Variants in CIT observed in about 807,000 individuals in gnomAD.
The protein encoded by CIT is citron Rho-interacting kinase.
In CIT, 79 loss-of-function variants were observed where a neutral mutation model predicts 272.7. That is an observed-to-expected ratio of 0.29 (90% CI 0.24 to 0.35). The LOEUF is 0.35. CIT is among the 10% of genes least tolerant of loss of function. The probability of loss-of-function intolerance (pLI) is 1.00; values close to 1 mark genes in which losing one functional copy is unlikely to be tolerated. For synonymous variants in CIT, 948 were observed against 995.6 expected, an observed-to-expected ratio of 0.95 and a Z score of 0.90; for missense variants, 1,909 against 2,618.3, an observed-to-expected ratio of 0.73 and a Z score of 5.91.
intron 39 of CIT, 105 bp from the exon 40 acceptor site, chr12:119,708,423 A>T: frequency 8.7e-7 from 1 of 1,155,910 alleles, no homozygotes; most frequent in South Asian, 2.7e-5. Flanking sequence ...AAGAGGCCAC[A>T]CAGATGATCT....
At chr12:119,733,870 G>T (rs1958611370) in intron 26 of CIT, among the ~76,000 whole-genome samples, 1 of 152,116 alleles carries the variant, frequency 6.6e-6, no homozygotes, top group Admixed American at 6.5e-5. Context: ...GAAACCTCAT[G>T]AGAGTTTTCT....
chr12:119,706,714 G>C (rs759659575), intron 40 of CIT, among the ~76,000 whole-genome samples: 1 of 152,172 alleles, frequency 6.6e-6, no homozygotes, highest in Non-Finnish European at 1.5e-5. Flanking sequence ...TGGATTCCAT[G>C]TCTTTGCTAT....
chr12:119,691,677 C>T (rs763974309), intron 46 of CIT, among the ~76,000 whole-genome samples: 3 of 152,204 alleles, frequency 2.0e-5, no homozygotes, highest in Non-Finnish European at 2.9e-5. Flanking sequence ...ATCCTCCACC[C>T]ACTCCTGGCC....
chr12:119,842,886 T>C (rs560421883), intron 5 of CIT, among the ~76,000 whole-genome samples: 1 of 152,328 alleles, frequency 6.6e-6, no homozygotes, highest in East Asian at 1.9e-4. Flanking sequence ...TAATCACACA[T>C]TCATCCAATA....
chr12:119,844,273 C>T (rs1341925931), intron 5 of CIT, among the ~76,000 whole-genome samples: 3 of 152,042 alleles, frequency 2.0e-5, no homozygotes, highest in Admixed American at 6.6e-5. Context: ...CCGCTCGCCT[C>T]GGCCTCCCAA....
intron 23 of CIT, among the ~76,000 whole-genome samples, chr12:119,745,208 T>TAA (rs1239472445): frequency 1.1e-4 from 12 of 108,402 alleles, no homozygotes; most frequent in South Asian, 2.8e-4. Context: ...AAGAAAATCT[T>TAA]AAAAAAAAAA....
At chr12:119,731,813 A>AATATAT (rs57327382) in intron 26 of CIT, among the ~76,000 whole-genome samples, 92 of 139,146 alleles carry the variant, frequency 6.6e-4, no homozygotes, top group African/African-American at 2.3e-3. Flanking sequence ...TTCTCTCCTA[A>AATATAT]ATATATATAT....
intron 5 of CIT, among the ~76,000 whole-genome samples, chr12:119,840,598 G>A (rs151156107): frequency 3.9e-5 from 6 of 152,296 alleles, no homozygotes; most frequent in East Asian, 1.9e-4. Context: ...TCATTTCACC[G>A]ATAAGAAAAT....
At chr12:119,858,051 T>A (rs1950222619) in intron 3 of CIT, among the ~76,000 whole-genome samples, 1 of 152,198 alleles carries the variant, frequency 6.6e-6, no homozygotes. Context: ...TTTAGACTGG[T>A]TTACAGTGTG....
chr12:119,796,556 C>G (rs1566057720), intron 10 of CIT, among the ~76,000 whole-genome samples: 1 of 152,166 alleles, frequency 6.6e-6, no homozygotes, highest in Non-Finnish European at 1.5e-5. Flanking sequence ...TAGTGGCTTA[C>G]TGAGTGAGCG....
chr12:119,727,374 A>G (rs1434986759), intron 28 of CIT, among the ~76,000 whole-genome samples: 1 of 152,208 alleles, frequency 6.6e-6, no homozygotes, highest in Non-Finnish European at 1.5e-5. Flanking sequence ...ACTACTGCAC[A>G]TTCTCACTTA....
intron 24 of CIT, among the ~76,000 whole-genome samples, chr12:119,740,501 C>G (rs1273958951): frequency 6.6e-6 from 1 of 151,910 alleles, no homozygotes; most frequent in Non-Finnish European, 1.5e-5. Flanking sequence ...TAAAACGCAT[C>G]AGATTATAGT....
intron 22 of CIT, among the ~76,000 whole-genome samples, chr12:119,753,243 A>T (rs1330746490): frequency 6.6e-6 from 1 of 152,172 alleles, no homozygotes; most frequent in African/African-American, 2.4e-5. Flanking sequence ...ATGCCCTGAA[A>T]GCCATGGGGA....
chr12:119,716,942 T>C (rs1382162930), intron 32 of CIT, among the ~76,000 whole-genome samples: 1 of 152,250 alleles, frequency 6.6e-6, no homozygotes, highest in Admixed American at 6.5e-5. Context: ...TATGTACTAA[T>C]GTGAAACCTC....
intron 46 of CIT, among the ~76,000 whole-genome samples, chr12:119,691,195 A>AC (rs1307169157): frequency 7.2e-6 from 1 of 139,076 alleles, no homozygotes; most frequent in Non-Finnish European, 1.6e-5. Flanking sequence ...AAAAAAAAAG[A>AC]CCAGTTTGAT....
chr12:119,866,198 G>GT (rs1390457532), intron 3 of CIT, among the ~76,000 whole-genome samples: 2 of 152,096 alleles, frequency 1.3e-5, no homozygotes, highest in Admixed American at 1.3e-4. Flanking sequence ...GCAGGGTGTG[G>GT]TAGCCAGTCT....
chr12:119,757,622 G>T, intron 21 of CIT, 77 bp from the exon 22 acceptor site: 1 of 1,562,514 alleles, frequency 6.4e-7, no homozygotes, highest in Non-Finnish European at 8.7e-7. Context: ...GGAGGTAGAC[G>T]GACACGGAGT....
In CIT at chr12:119,690,053, T is replaced by C; in HGVS notation, c.6186+98A>G. On this transcript the variant is annotated intron_variant, in intron 47 of 47. Coordinates refer to ENST00000392521, the MANE Select transcript of CIT (RefSeq NM_001206999.2). The surrounding 1 kb of genome is among the most constrained non-coding windows in gnomAD (Gnocchi z 6.0). ...CAAAGTCTGAATTACAGTCATGGAG[T>C]TCCTTTTTTAAACAACAGTGGCCCC... 2.6e-6 allele frequency: 3 copies of C among 1,152,300 alleles called. No homozygotes were observed. The highest frequency in any genetic ancestry group is 3.4e-6 in the Non-Finnish European group (3 of 878,734). The allele number at this position is 1,152,300 out of a possible 1,614,324, so 71.4% of individuals were successfully genotyped here.
chr12:119,704,453 A>G lies in CIT; in HGVS notation c.5214T>C (p.Ile1738=). Residue 1738 remains isoleucine (I), a splice_region_variant and synonymous_variant, in exon 41 of 48, where the codon ATT becomes ATC. Transcript: ENST00000392521. The part of the protein sequence containing the change: ...KGCHLFGAGK[I]ENGLCICAAM... ...CTGCACAGATGCAGAGCCCGTTCTCAATCTGAAAAGCAACCAAGAAAAGAA... is the reference window on the plus strand; with the variant it reads ...CTGCACAGATGCAGAGCCCGTTCTCGATCTGAAAAGCAACCAAGAAAAGAA... The G allele has an allele frequency of 6.2e-7, 1 of 1,613,904 alleles. No individual in the cohort carries two copies. Among genetic ancestry groups the G allele is most frequent in the Non-Finnish European group, 8.5e-7 (1 of 1,179,820 alleles).
Sources: gnomAD v4.1 joint callset for allele counts (sites outside exome capture counted in the v4.1 genomes callset) on GRCh38, gnomAD v4.1.1 for gene constraint, Gnocchi (gnomAD v3.1) non-coding constraint, MANE v1.5 for transcripts, NCBI Gene and HGNC (gene_info 2026-07-23, HGNC 2026-07-21) for gene names.